The following CHRNG variants were observed in gnomAD, a reference collection of about 807,000 sequenced individuals.
The protein encoded by CHRNG is cholinergic receptor nicotinic gamma subunit, also known as acetylcholine receptor subunit gamma.
CHRNG carries 72 observed loss-of-function variants against 65.2 expected under a neutral mutation model. The observed-to-expected ratio is 1.10, with a 90% CI of 0.91 to 1.34. The LOEUF (loss-of-function observed/expected upper bound fraction) is 1.34, where lower values mean the gene tolerates loss of function less well. Ranked by LOEUF, CHRNG falls within the 40% of genes most tolerant of loss-of-function variation. The pLI is 0.00. For synonymous variants in CHRNG, 284 were observed against 290.2 expected, an observed-to-expected ratio of 0.98 and a Z score of 0.22; for missense variants, 637 against 680.1, an observed-to-expected ratio of 0.94 and a Z score of 0.70.
rs1692155036 is a variant in CHRNG, at chr2:232,547,585, CCA to C, written c.*1870_*1871del. Among the ~76,000 whole-genome samples, 1 of 152,152 alleles carries C rather than the reference CCA, an allele frequency of 6.6e-6. No individual in the cohort carries two copies. The highest frequency in any genetic ancestry group is 2.4e-5 in the African/African-American group (1 of 41,436). ...CACCAGCAAGTTCGTATTATTTACT[CCA>C]GTGTGAGTCTGTGTCTGTGCATGCA... On this transcript the variant is annotated 3_prime_UTR_variant, in exon 12 of 12. Transcript: ENST00000651502.
chr2:232,547,461 G>A lies in CHRNG; in HGVS notation c.*1745G>A, dbSNP rs1426913867. On this transcript the variant is annotated 3_prime_UTR_variant, in exon 12 of 12. Coordinates refer to ENST00000651502, the MANE Select transcript of CHRNG (RefSeq NM_005199.5). ...CAAAACTGAAAAAAGAAAAGTGAAA[G>A]TGCCACATAAAGGCCTGACGACAGG... 1.3e-5 allele frequency among the ~76,000 whole-genome samples: 2 copies of A among 152,126 alleles called. No individual in the cohort carries two copies. Among genetic ancestry groups the A allele is most frequent in the East Asian group, 3.8e-4 (2 of 5,198 alleles).
intron 5 of CHRNG, among the ~76,000 whole-genome samples, chr2:232,542,104 T>C (rs1317335696): frequency 6.6e-6 from 1 of 152,090 alleles, no homozygotes; most frequent in Non-Finnish European, 1.5e-5. Flanking sequence ...GAGGTAGGCA[T>C]GTGTTTTCTA....
At chr2:232,542,296 A>G in intron 5 of CHRNG, 127 bp from the exon 6 acceptor site, 4 of 706,938 alleles carry the variant, frequency 5.7e-6, no homozygotes, top group Non-Finnish European at 7.7e-6. Context: ...TTTATAGAGA[A>G]CTCAGAAGCG....
At position 232,541,077 on chromosome 2, in the gene CHRNG, C is replaced by T. The variant is rs1692004860; in HGVS notation, c.351-297C>T. Among the ~76,000 whole-genome samples the T allele has an allele frequency of 6.6e-6, 1 of 151,122 alleles. No homozygotes were observed. Among genetic ancestry groups the T allele is most frequent in the Non-Finnish European group, 1.5e-5 (1 of 67,784 alleles). ...GCTGGCACATGGTGTGGGCTTAACA[C>T]ATTAGTCGCTATTATGACTATTATT... On this transcript the variant is annotated intron_variant, in intron 4 of 11. Transcript: ENST00000651502. This position sits in a 1 kb window ranked among gnomAD's most constrained non-coding sequence, Gnocchi z 4.0.
chr2:232,543,812 C>T (rs866314593), intron 9 of CHRNG, 113 bp downstream of exon 9: 6 of 728,424 alleles, frequency 8.2e-6, no homozygotes, highest in South Asian at 2.9e-5. Flanking sequence ...CCATCCTGGG[C>T]GTATCTGGAC....
rs570856258 is a variant in CHRNG, at chr2:232,547,250, C to G, written c.*1534C>G. ...TGGGCAACATGGGGACACCCGGCCTCTACCAAAAAATACAAAACTTAGCTG... is the reference window on the plus strand; with the variant it reads ...TGGGCAACATGGGGACACCCGGCCTGTACCAAAAAATACAAAACTTAGCTG... On this transcript the variant is annotated 3_prime_UTR_variant, in exon 12 of 12. Coordinates refer to ENST00000651502, the MANE Select transcript of CHRNG (RefSeq NM_005199.5). 5.3e-5 allele frequency among the ~76,000 whole-genome samples: 8 copies of G among 152,158 alleles called. No homozygotes were observed. The East Asian group carries it at 1.5e-3, about 29-fold the overall frequency.
At position 232,541,843 on chromosome 2, in the gene CHRNG, C is replaced by T. The variant is rs1270244840; in HGVS notation, c.506+314C>T. 2.2e-6 allele frequency: 1 copy of T among 458,244 alleles called. No homozygotes were observed. Among genetic ancestry groups the T allele is most frequent in the Non-Finnish European group, 4.0e-6 (1 of 247,030 alleles). 28.4% of individuals were successfully genotyped at this position (458,244 alleles called of 1,614,324 possible). A position where few individuals can be genotyped will look rare whatever the true frequency, so the allele number is the denominator to read the frequency against. On this transcript the variant is annotated intron_variant, in intron 5 of 11. Coordinates refer to ENST00000651502, the MANE Select transcript of CHRNG (RefSeq NM_005199.5). This position sits in a 1 kb window ranked among gnomAD's most constrained non-coding sequence, Gnocchi z 4.0. ...TGCACACAAGATGCGTGTCTGCGCA[C>T]ACACGAAACCACTGCACACTCCAGG...
In CHRNG at chr2:232,545,750, C is replaced by T. The variant is rs1692120961; in HGVS notation, c.*34C>T. 6.2e-7 allele frequency: 1 copy of T among 1,611,022 alleles called. No individual in the cohort carries two copies. The highest frequency in any genetic ancestry group is 8.5e-7 in the Non-Finnish European group (1 of 1,177,550). On this transcript the variant is annotated 3_prime_UTR_variant, in exon 12 of 12. Coordinates refer to ENST00000651502, the MANE Select transcript of CHRNG (RefSeq NM_005199.5). ...ACCACTGTGGGGCATGTGGGAGTCA[C>T]ACACGTGGGTCACACTGAGTCTTAT... is the stretch of plus-strand genomic sequence containing the variant.
rs965792988 is a variant in CHRNG at position 232,547,147 on chromosome 2, C to T, written c.*1431C>T. Among the ~76,000 whole-genome samples, 1 of 152,178 alleles carries T rather than the reference C, an allele frequency of 6.6e-6. No homozygotes were observed. The highest frequency in any genetic ancestry group is 6.5e-5 in the Admixed American group (1 of 15,286). Reference sequence around the variant, plus strand: ...CCTGGCCAGGTGTGGTGGCTCACACCTGCAATCCCAGCACCTTGGGAGGAC... The same window carrying T: ...CCTGGCCAGGTGTGGTGGCTCACACTTGCAATCCCAGCACCTTGGGAGGAC... On this transcript the variant is annotated 3_prime_UTR_variant, in exon 12 of 12. Coordinates refer to ENST00000651502, the MANE Select transcript of CHRNG (RefSeq NM_005199.5).
rs1334734375 is a variant in CHRNG, at chr2:232,544,353, C to T, written c.1036-14C>T. ...GCTCGGCCTGCTGCCCTAGTGAAGCCACCCCCTCTCTAGGTGTTCCTGAGG... is the reference window on the plus strand; with the variant it reads ...GCTCGGCCTGCTGCCCTAGTGAAGCTACCCCCTCTCTAGGTGTTCCTGAGG... On this transcript the variant is annotated splice_polypyrimidine_tract_variant and intron_variant, in intron 9 of 11. Transcript: ENST00000651502. 7 of 1,604,210 alleles carry T rather than the reference C, an allele frequency of 4.4e-6. No homozygotes were observed. Among genetic ancestry groups the T allele is most frequent in the Non-Finnish European group, 6.0e-6 (7 of 1,172,254 alleles).
rs762445911 is a variant in CHRNG at position 232,544,547 on chromosome 2, C to T, written c.1216C>T (p.Gln406Ter). The T allele has an allele frequency of 1.2e-6, 2 of 1,613,732 alleles. No homozygotes were observed. The highest frequency in any genetic ancestry group is 8.5e-7 in the Non-Finnish European group (1 of 1,179,950). ...ACTCCTCTTCCAGCAGTGGCAGCGG[C>T]AAGGGCTGGTGGCGGCAGCGCTGGA... The part of the protein sequence containing the change: ...SELLFQQWQR[Q>*]GLVAAALEKL... The change falls in exon 10 of 12, where the codon CAA becomes TAA. Residue 406 changes from glutamine (Q) to a stop codon, truncating the protein, a stop_gained. Transcript: ENST00000651502. LOFTEE classifies it high-confidence loss of function.
chr2:232,541,631 G>C lies in CHRNG; in HGVS notation c.506+102G>C. On this transcript the variant is annotated intron_variant, in intron 5 of 11. Transcript: ENST00000651502. The surrounding 1 kb of genome is among the most constrained non-coding windows in gnomAD (Gnocchi z 4.0). ...AAGGCTTCTGGCCTTGGCTCTGGCA[G>C]CACCTAGAGGCCTGGCTCCATCTCC... is the stretch of plus-strand genomic sequence containing the variant. 7.2e-7 allele frequency: 1 copy of C among 1,397,790 alleles called. No individual in the cohort carries two copies. The highest frequency in any genetic ancestry group is 1.2e-5 in the South Asian group (1 of 86,860). 86.6% of individuals were successfully genotyped at this position (1,397,790 alleles called of 1,614,324 possible).
chr2:232,544,362 T>C lies in CHRNG; in HGVS notation c.1036-5T>C. 1 of 1,611,004 alleles carries C rather than the reference T, an allele frequency of 6.2e-7. No homozygotes were observed. Among genetic ancestry groups the C allele is most frequent in the African/African-American group, 1.3e-5 (1 of 74,984 alleles). On this transcript the variant is annotated splice_region_variant and splice_polypyrimidine_tract_variant and intron_variant, in intron 9 of 11. Transcript: ENST00000651502. ...GCTGCCCTAGTGAAGCCACCCCCTC[T>C]CTAGGTGTTCCTGAGGCTCTTGCCC...
chr2:232,540,526 C>T lies in CHRNG; in HGVS notation c.241-76C>T, dbSNP rs1038400169. On this transcript the variant is annotated intron_variant, in intron 3 of 11. Transcript: ENST00000651502. The surrounding 1 kb of genome is among the most constrained non-coding windows in gnomAD (Gnocchi z 4.2). ...GCCCCGTTCCTGCCTCTTCTGTCCT[C>T]TTGGGCTGGATGCCCACTCCTAGGG... The T allele has an allele frequency of 1.9e-6, 3 of 1,600,354 alleles. No homozygotes were observed. Among genetic ancestry groups the T allele is most frequent in the Non-Finnish European group, 2.6e-6 (3 of 1,173,624 alleles).
intron 1 of CHRNG, 61 bp from the exon 2 acceptor site, chr2:232,539,931 C>T: frequency 6.2e-7 from 1 of 1,612,936 alleles, no homozygotes; most frequent in Non-Finnish European, 8.5e-7. Flanking sequence ...TTCACACCCC[C>T]AGGGCCTCCC....
chr2:232,543,139 C>A lies in CHRNG; in HGVS notation c.805+57C>A, dbSNP rs566138449. On this transcript the variant is annotated intron_variant, in intron 7 of 11. Transcript: ENST00000651502. The stretch of plus-strand genomic sequence containing the variant: ...GTAGCACAGGGGACACCTGGGAGGC[C>A]GGGGTGGGCCCTGCCTGGGGAACAG... 4 of 1,571,658 alleles carry A rather than the reference C, an allele frequency of 2.5e-6. No individual in the cohort carries two copies. The Admixed American group carries it at 6.7e-5, about 26-fold the overall frequency.
chr2:232,540,661 G>A lies in CHRNG; in HGVS notation c.300G>A (p.Leu100=), dbSNP rs1307581176. 5 of 1,613,228 alleles carry A rather than the reference G, an allele frequency of 3.1e-6. No homozygotes were observed. Among genetic ancestry groups the A allele is most frequent in the South Asian group, 2.2e-5 (2 of 91,074 alleles). ...DPRDYEGLWV[L]RVPSTMVWRP... is the part of the protein sequence containing the mutation. ...GAGACTACGAAGGCCTGTGGGTGCT[G>A]AGGGTGCCGTCCACCATGGTGTGGC... is the stretch of plus-strand genomic sequence containing the variant. Residue 100 remains leucine, a synonymous_variant, in exon 4 of 12, where the codon CTG becomes CTA. Transcript: ENST00000651502. The surrounding 1 kb of genome is among the most constrained non-coding windows in gnomAD (Gnocchi z 4.2).
Position 232,545,824 on chromosome 2 carries a change from C to G in CHRNG, c.*108C>G. On this transcript the variant is annotated 3_prime_UTR_variant, in exon 12 of 12. Transcript: ENST00000651502. ...CCTAAGTGTGCTCTTTGGGAAGTGC[C>G]CTTCAGGACTGTGTGAGCCAAACAG... is the stretch of plus-strand genomic sequence containing the variant. The G allele has an allele frequency of 2.4e-6, 3 of 1,269,166 alleles. No individual in the cohort carries two copies. The highest frequency in any genetic ancestry group is 1.2e-5 in the South Asian group (1 of 83,122). 78.6% of individuals were successfully genotyped at this position (1,269,166 alleles called of 1,614,324 possible).
chr2:232,542,722 C>T (rs996815009), intron 6 of CHRNG, among the ~76,000 whole-genome samples, 160 bp from the exon 7 acceptor site: 4 of 152,250 alleles, frequency 2.6e-5, no homozygotes, highest in Non-Finnish European at 4.4e-5. Context: ...AGAAGAGGCT[C>T]GAGCATCCAA....
Sources: allele counts gnomAD v4.1 joint callset (sites outside exome capture counted in the v4.1 genomes callset), GRCh38; gene constraint gnomAD v4.1.1; non-coding constraint Gnocchi (gnomAD v3.1); transcripts MANE v1.5; gene names NCBI Gene and HGNC (gene_info 2026-07-23, HGNC 2026-07-21).